The following NPHP1 variants were observed in gnomAD, a reference collection of about 807,000 sequenced individuals.
NPHP1 encodes nephrocystin 1, also known as nephrocystin-1.
A neutral mutation model predicts 90.4 loss-of-function variants in NPHP1; 70 were observed. The ratio of observed to expected loss-of-function variants is 0.77; its 90% CI spans 0.64 to 0.95. The LOEUF is 0.95. NPHP1 is among the 40% of genes least tolerant of loss of function. NPHP1 has a pLI of 0.00. For missense variants in NPHP1, 764 were observed against 795.9 expected (o/e 0.96, Z 0.48); for synonymous variants, 256 against 271.7 (o/e 0.94, Z 0.57).
chr2:110,146,972 AAC>A (rs1489827724), intron 13 of NPHP1, 137 bp from the exon 14 acceptor site: 9 of 690,180 alleles, frequency 1.3e-5, no homozygotes, highest in Non-Finnish European at 2.1e-5. Flanking sequence ...AATAAAATGA[AAC>A]ACAGTAGAAT....
intron 2 of NPHP1, among the ~76,000 whole-genome samples, chr2:110,195,133 A>G (rs1685061563): frequency 6.6e-6 from 1 of 152,126 alleles, no homozygotes; most frequent in African/African-American, 2.4e-5. Flanking sequence ...CTCCTATTCA[A>G]CATAGTGTTG....
In NPHP1 at chr2:110,123,986, G is replaced by A. The variant is rs1383805122; in HGVS notation, c.1839C>T (p.Arg613=). Residue 613 remains arginine (R), a synonymous_variant, in exon 20 of 20, where the codon CGC becomes CGT. Transcript: ENST00000445609. ...CTTCTGCCCACCTGAATGGGGGTAG[G>A]CGTGTGGAGTGGAGAAGTGGGAGCA... ...DCVLPLLHST[R]LPPFRWAEEE... 3 of 1,614,106 alleles carry A rather than the reference G, an allele frequency of 1.9e-6. No homozygotes were observed. The highest frequency in any genetic ancestry group is 3.3e-5 in the Admixed American group (2 of 60,026).
At chr2:110,154,445 G>C (rs1372637874) in intron 11 of NPHP1, among the ~76,000 whole-genome samples, 1 of 152,156 alleles carries the variant, frequency 6.6e-6, no homozygotes, top group Non-Finnish European at 1.5e-5. Flanking sequence ...CTTTGGAACT[G>C]GGTAACAGGC....
At chr2:110,158,465 C>T (rs1208958620) in intron 11 of NPHP1, among the ~76,000 whole-genome samples, 1 of 152,002 alleles carries the variant, frequency 6.6e-6, no homozygotes, top group Non-Finnish European at 1.5e-5. Context: ...TCAGTTCTAA[C>T]CATTTTTATT....
chr2:110,168,103 C>A (rs1054631954), intron 6 of NPHP1, among the ~76,000 whole-genome samples: 6 of 152,122 alleles, frequency 3.9e-5, no homozygotes, highest in Non-Finnish European at 7.3e-5. Flanking sequence ...AGTATGTTCA[C>A]ATTTTAGTAA....
At chr2:110,130,740 A>T (rs1679717188) in intron 17 of NPHP1, among the ~76,000 whole-genome samples, 1 of 152,038 alleles carries the variant, frequency 6.6e-6, no homozygotes, top group African/African-American at 2.4e-5. Context: ...TGGCCCCTCT[A>T]CCCAGAAAGA....
intron 2 of NPHP1, chr2:110,184,703 G>C: frequency 1.4e-6 from 1 of 725,820 alleles, no homozygotes; most frequent in Non-Finnish European, 2.5e-6. Context: ...CTCATCCTTT[G>C]AGTTTGAGAT....
chr2:110,169,300 T>C (rs1416734277), intron 5 of NPHP1, among the ~76,000 whole-genome samples: 1 of 152,158 alleles, frequency 6.6e-6, no homozygotes, highest in Admixed American at 6.5e-5. Context: ...TATATTCACT[T>C]AAATTTCTTT....
intron 17 of NPHP1, 104 bp from the exon 18 acceptor site, chr2:110,129,363 T>G: frequency 2.3e-6 from 2 of 884,792 alleles, no homozygotes; most frequent in South Asian, 2.8e-5. Context: ...TGCCAAATGA[T>G]TTGTTGATAA....
chr2:110,164,313 C>T (rs1371646235), intron 8 of NPHP1: 21 of 577,970 alleles, frequency 3.6e-5, no homozygotes, highest in Non-Finnish European at 6.1e-5. Context: ...TTGGGATTAC[C>T]AGTGTGAATC....
chr2:110,201,777 G>A (rs1295723616), intron 1 of NPHP1, among the ~76,000 whole-genome samples: 1 of 152,112 alleles, frequency 6.6e-6, no homozygotes, highest in African/African-American at 2.4e-5. Context: ...ACTAACTAAA[G>A]TTCAATAGTT....
chr2:110,133,163 G>A (rs1679911791), intron 16 of NPHP1, among the ~76,000 whole-genome samples: 1 of 151,988 alleles, frequency 6.6e-6, no homozygotes. Flanking sequence ...ATCTATAAGA[G>A]ACTCACGGTA....
chr2:110,159,379 A>G (rs539829084), intron 11 of NPHP1, among the ~76,000 whole-genome samples: 2 of 152,136 alleles, frequency 1.3e-5, no homozygotes, highest in East Asian at 3.9e-4. Context: ...AAATGTTTGA[A>G]GAAATTCACA....
At chr2:110,174,657 TG>T (rs919150044) in intron 4 of NPHP1, among the ~76,000 whole-genome samples, 3 of 152,150 alleles carry the variant, frequency 2.0e-5, no homozygotes, top group Non-Finnish European at 4.4e-5. Flanking sequence ...TGTGGTCATT[TG>T]TGGACATACA....
At chr2:110,169,738 A>C in intron 5 of NPHP1, 68 bp downstream of exon 5, 5 of 1,034,772 alleles carry the variant, frequency 4.8e-6, no homozygotes, top group South Asian at 1.3e-5. Flanking sequence ...GTGTACAGGC[A>C]GAGTTTTCTT....
At chr2:110,202,668 A>G (rs932085125) in intron 1 of NPHP1, among the ~76,000 whole-genome samples, 1 of 152,172 alleles carries the variant, frequency 6.6e-6, no homozygotes, top group Non-Finnish European at 1.5e-5. Context: ...CTAAATTTAA[A>G]ATTAACTCAT....
intron 4 of NPHP1, among the ~76,000 whole-genome samples, chr2:110,173,658 T>C (rs1430519321): frequency 6.6e-6 from 1 of 152,224 alleles, no homozygotes; most frequent in Non-Finnish European, 1.5e-5. Context: ...AGGAGCAACA[T>C]GCTATACTAT....
rs1437182393 is a variant in NPHP1, at chr2:110,162,915, G to A, written c.859+133C>T. The A allele has an allele frequency of 3.9e-5, 28 of 721,242 alleles. 1 individual carries two copies. The highest frequency in any genetic ancestry group is 2.3e-5 in the Non-Finnish European group (9 of 399,178). The allele number at this position is 721,242 out of a possible 1,614,324, so 44.7% of individuals were successfully genotyped here. A position where few individuals can be genotyped will look rare whatever the true frequency, so the allele number is the denominator to read the frequency against. ...TCCTCACTGTCATAGGAAGGATGAG[G>A]AAAAGATGAGCACCAAAGAGATGTG... On this transcript the variant is annotated intron_variant, in intron 9 of 19. Transcript: ENST00000445609.
intron 2 of NPHP1, among the ~76,000 whole-genome samples, chr2:110,198,653 A>T (rs976868671): frequency 6.6e-6 from 1 of 152,148 alleles, no homozygotes; most frequent in African/African-American, 2.4e-5. Flanking sequence ...CTGCTAAAGA[A>T]GTTTCCCATA....
Sources: gnomAD v4.1 joint callset for allele counts (sites outside exome capture counted in the v4.1 genomes callset) on GRCh38, gnomAD v4.1.1 for gene constraint, MANE v1.5 for transcripts, NCBI Gene and HGNC (gene_info 2026-07-23, HGNC 2026-07-21) for gene names.